WWC1: variants seen among roughly 807,000 people sequenced by gnomAD.
WWC1 encodes WW and C2 domain containing 1.
WWC1 carries 55 observed loss-of-function variants against 138.4 expected under a neutral mutation model. That is an observed-to-expected ratio of 0.40 (90% CI 0.32 to 0.50). WWC1 has a LOEUF of 0.50. WWC1 is among the 20% of genes least tolerant of loss of function. The pLI, the probability that WWC1 is intolerant of heterozygous loss-of-function variation, is 0.72. For missense variants in WWC1, 1,226 were observed against 1,420.4 expected (o/e 0.86, Z 2.20); for synonymous variants, 524 against 564.9 (o/e 0.93, Z 1.03).
intron 15 of WWC1, among the ~76,000 whole-genome samples, chr5:168,440,614 T>A (rs1754659802): frequency 6.6e-6 from 1 of 152,034 alleles, no homozygotes; most frequent in Non-Finnish European, 1.5e-5. Flanking sequence ...ATCTCCTGAG[T>A]TCAAACAATT....
chr5:168,406,398 C>A, intron 6 of WWC1, 71 bp downstream of exon 6: 2 of 1,585,562 alleles, frequency 1.3e-6, no homozygotes, highest in Non-Finnish European at 1.7e-6. Context: ...CAGTCGTATG[C>A]GGGCTATTTC....
chr5:168,422,202 G>T, intron 10 of WWC1, 105 bp downstream of exon 10: 1 of 1,124,624 alleles, frequency 8.9e-7, no homozygotes, highest in Non-Finnish European at 1.3e-6. Flanking sequence ...TCCGTGGCTT[G>T]AGAGTGGATG....
chr5:168,339,131 G>A (rs1190977801), intron 1 of WWC1, among the ~76,000 whole-genome samples: 1 of 152,160 alleles, frequency 6.6e-6, no homozygotes, highest in Non-Finnish European at 1.5e-5. Context: ...AGAAAATGAT[G>A]AGGTGCTGAG....
intron 5 of WWC1, among the ~76,000 whole-genome samples, chr5:168,402,192 A>G (rs1779357830): frequency 6.6e-6 from 1 of 152,198 alleles, no homozygotes; most frequent in Non-Finnish European, 1.5e-5. Flanking sequence ...ATCAGGACAG[A>G]TAAGACTCCA....
intron 2 of WWC1, among the ~76,000 whole-genome samples, chr5:168,374,789 C>T (rs1777046049): frequency 1.3e-5 from 2 of 152,188 alleles, no homozygotes; most frequent in Admixed American, 6.5e-5. Context: ...TTGTGAGCGA[C>T]AAATGCCACA....
chr5:168,371,192 G>T (rs181167917), intron 1 of WWC1, among the ~76,000 whole-genome samples: 1 of 152,188 alleles, frequency 6.6e-6, no homozygotes, highest in Non-Finnish European at 1.5e-5. Context: ...GGCAAAGTTG[G>T]GACCAGAACA....
chr5:168,311,698 C>T (rs1401925971), intron 1 of WWC1, among the ~76,000 whole-genome samples: 1 of 152,134 alleles, frequency 6.6e-6, no homozygotes, highest in Non-Finnish European at 1.5e-5. Context: ...TGGCAAAACC[C>T]CATCTCTACT....
At chr5:168,355,416 C>T (rs1030511173) in intron 1 of WWC1, among the ~76,000 whole-genome samples, 1 of 149,576 alleles carries the variant, frequency 6.7e-6, no homozygotes, top group African/African-American at 2.5e-5. Context: ...ATCTCTTGAA[C>T]CCGGGAGGTA....
chr5:168,308,304 A>G (rs1236681330), intron 1 of WWC1, among the ~76,000 whole-genome samples: 2 of 20,498 alleles, frequency 9.8e-5, no homozygotes, highest in South Asian at 1.7e-3. Flanking sequence ...AATAATAAAA[A>G]CAAGCAAAAT....
In WWC1 at chr5:168,357,414, G is replaced by T. The variant is rs141023822; in HGVS notation, c.120-14010G>T. Among the ~76,000 whole-genome samples, 47 of 150,048 alleles carry T rather than the reference G, an allele frequency of 3.1e-4. No homozygotes were observed. In the South Asian group the frequency reaches 8.7e-3, roughly 28 times the overall value. On this transcript the variant is annotated intron_variant, in intron 1 of 22. Transcript: ENST00000265293. ...CTGCCAACCTGTGGGTTTCTTTTCC[G>T]TGTGGTTCACCATCTGGAGTGGCAA...
rs573926192 is a variant in WWC1, at chr5:168,370,223, G to A, written c.120-1201G>A. On this transcript the variant is annotated intron_variant, in intron 1 of 22. Transcript: ENST00000265293. Reference sequence around the variant, plus strand: ...CCCGTTGCACAAATACTTATTGAGCGCCAATTGTGCTGGACACAGGATTCT... The same window carrying A: ...CCCGTTGCACAAATACTTATTGAGCACCAATTGTGCTGGACACAGGATTCT... 6.6e-5 allele frequency among the ~76,000 whole-genome samples: 10 copies of A among 152,212 alleles called. No homozygotes were observed. In the East Asian group the frequency reaches 7.7e-4, roughly 12 times the overall value.
chr5:168,357,475 TGTGTGTGTGTGTGTGTGTGCGCGCGC>T (rs1775529296), intron 1 of WWC1, among the ~76,000 whole-genome samples: 1 of 141,498 alleles, frequency 7.1e-6, no homozygotes, highest in African/African-American at 2.9e-5. Flanking sequence ...TGTGTGTGTG[TGTGTGTGTGTGTGTGTGTGCGCGCGC>T]GCACGCATGC....
In WWC1 at chr5:168,291,996, C is replaced by A. The variant is rs1769085891; in HGVS notation, c.-157C>A. 1 of 820,858 alleles carries A rather than the reference C, an allele frequency of 1.2e-6. No individual in the cohort carries two copies. Among genetic ancestry groups the A allele is most frequent in the African/African-American group, 1.8e-5 (1 of 54,656 alleles). The allele number at this position is 820,858 out of a possible 1,614,324, so 50.8% of individuals were successfully genotyped here. ...CAGGGCCGCATGGACAGCGGCGCCA[C>A]CCCGGCCGGCCCCTACTAGGGCCCC... is the stretch of plus-strand genomic sequence containing the variant. On this transcript the variant is annotated 5_prime_UTR_variant, in exon 1 of 23. Coordinates refer to ENST00000265293, the MANE Select transcript of WWC1 (RefSeq NM_015238.3).
At chr5:168,468,760 T>G (rs565148801) in intron 22 of WWC1, among the ~76,000 whole-genome samples, 191 bp from the exon 23 acceptor site, 1 of 152,282 alleles carries the variant, frequency 6.6e-6, no homozygotes, top group South Asian at 2.1e-4. Context: ...GGCAATGAGC[T>G]TACGTTTTGG....
chr5:168,419,414 G>T (rs1266220129), intron 9 of WWC1, among the ~76,000 whole-genome samples: 1 of 152,198 alleles, frequency 6.6e-6, no homozygotes, highest in Non-Finnish European at 1.5e-5. Flanking sequence ...TGTCTACATG[G>T]TGGGCACTGT....
chr5:168,455,338 G>T lies in WWC1; in HGVS notation c.2659-18G>T, dbSNP rs201188509. The T allele has an allele frequency of 6.4e-7, 1 of 1,559,324 alleles. No individual in the cohort carries two copies. Among genetic ancestry groups the T allele is most frequent in the South Asian group, 1.2e-5 (1 of 82,696 alleles). ...CTCTGTGGACACTGGTGGCTTCAAG[G>T]TGTGACTTCTTCCTCAGGTGGACAA... On this transcript the variant is annotated intron_variant, in intron 18 of 22. Transcript: ENST00000265293.
chr5:168,419,601 C>T (rs1780925253), intron 9 of WWC1, among the ~76,000 whole-genome samples: 1 of 152,204 alleles, frequency 6.6e-6, no homozygotes, highest in Admixed American at 6.5e-5. Context: ...AAGTAGGGCC[C>T]AGGAATGTGC....
chr5:168,445,505 G>C (rs1755169044), intron 17 of WWC1, among the ~76,000 whole-genome samples: 1 of 151,822 alleles, frequency 6.6e-6, no homozygotes, highest in African/African-American at 2.4e-5. Flanking sequence ...TTCGAGACCA[G>C]CCTGGCCAAC....
At chr5:168,431,108 A>T in intron 14 of WWC1, 144 bp from the exon 15 acceptor site, 1 of 706,706 alleles carries the variant, frequency 1.4e-6, no homozygotes, top group Non-Finnish European at 2.4e-6. Flanking sequence ...TCCAGTGTAT[A>T]GGGGCCTGAT....
Sources: gnomAD v4.1 joint callset for allele counts (sites outside exome capture counted in the v4.1 genomes callset) on GRCh38, gnomAD v4.1.1 for gene constraint, MANE v1.5 for transcripts, NCBI Gene and HGNC (gene_info 2026-07-23, HGNC 2026-07-21) for gene names.